The following ANKRD30BL variants were observed in gnomAD, a reference collection of about 807,000 sequenced individuals.
ANKRD30BL encodes putative ankyrin repeat domain-containing protein 30B-like.
A neutral mutation model predicts 18.4 loss-of-function variants in ANKRD30BL; 20 were observed. The ratio of observed to expected loss-of-function variants is 1.09; its 90% CI spans 0.77 to 1.58. The LOEUF is 1.58. ANKRD30BL is among the 40% of genes most tolerant of loss of function. The pLI is 0.00. For synonymous variants in ANKRD30BL, 72 were observed against 100.9 expected (o/e 0.71, Z 1.72); for missense variants, 224 against 268.6 (o/e 0.83, Z 1.16).
At chr2:132,172,784 T>G (rs1688304565) in intron 1 of ANKRD30BL, among the ~76,000 whole-genome samples, 2 of 152,108 alleles carry the variant, frequency 1.3e-5, no homozygotes, top group Admixed American at 1.3e-4. Flanking sequence ...CTCAGCTCAC[T>G]GAAACCTCCG....
chr2:132,194,454 A>G (rs937580168), intron 1 of ANKRD30BL, among the ~76,000 whole-genome samples: 6 of 152,236 alleles, frequency 3.9e-5, no homozygotes, highest in South Asian at 2.1e-4. Context: ...TCATGTTTCC[A>G]ACAGTCATAG....
chr2:132,220,464 C>A (rs1480739087), intron 1 of ANKRD30BL, among the ~76,000 whole-genome samples: 1 of 151,986 alleles, frequency 6.6e-6, no homozygotes, highest in African/African-American at 2.4e-5. Context: ...AACCTCCCTG[C>A]CTGATTCTCC....
At chr2:132,227,803 A>T (rs903687914) in intron 1 of ANKRD30BL, among the ~76,000 whole-genome samples, 1 of 152,108 alleles carries the variant, frequency 6.6e-6, no homozygotes, top group Non-Finnish European at 1.5e-5. Flanking sequence ...CTTTCTTTTG[A>T]TTCAGCAGTT....
In ANKRD30BL at chr2:132,196,655, G is replaced by A. The variant is rs553601082; in HGVS notation, n.442-39509C>T. Among the ~76,000 whole-genome samples, 328 of 151,940 alleles carry A rather than the reference G, an allele frequency of 2.2e-3. 1 individual carries two copies. Among genetic ancestry groups the A allele is most frequent in the African/African-American group, 7.4e-3 (305 of 41,442 alleles). ...TCAAAAATTAGCCAAGTGTGGTGGC[G>A]CATGCCTGTAATTCCAGCCACTCAG... On this transcript the variant is annotated intron_variant and non_coding_transcript_variant, in intron 1 of 4. Coordinates refer to the ANKRD30BL transcript ENST00000470729.
intron 1 of ANKRD30BL, among the ~76,000 whole-genome samples, chr2:132,221,830 C>A (rs112016460): frequency 1.6e-4 from 18 of 114,476 alleles, no homozygotes; most frequent in Non-Finnish European, 2.7e-4. Flanking sequence ...GGGGGGTCAG[C>A]CCCCCGCCCG....
chr2:132,187,189 T>C (rs1464399595), intron 1 of ANKRD30BL, among the ~76,000 whole-genome samples: 2 of 101,992 alleles, frequency 2.0e-5, no homozygotes, highest in East Asian at 2.4e-4. Flanking sequence ...TTTTTGTTTG[T>C]TTTTTTTTTT....
intron 1 of ANKRD30BL, among the ~76,000 whole-genome samples, chr2:132,216,441 T>A (rs374615943): frequency 6.6e-6 from 1 of 151,860 alleles, no homozygotes; most frequent in Admixed American, 6.6e-5. Context: ...TACTTTTGGT[T>A]GAGCAGTTTG....
rs79147331 is a variant in ANKRD30BL, at chr2:132,211,400, G to A, written n.441+46129C>T. ...CTGGTGGAAAAGGAAATATTTTCAC[G>A]TAAAAAGTAGACAGAAGCATTCTGA... On this transcript the variant is annotated intron_variant and non_coding_transcript_variant, in intron 1 of 4. Coordinates refer to the ANKRD30BL transcript ENST00000470729. 3.9e-3 allele frequency among the ~76,000 whole-genome samples: 580 copies of A among 150,524 alleles called. 3 individuals carry two copies. Among genetic ancestry groups the A allele is most frequent in the African/African-American group, 0.014 (563 of 41,174 alleles).
chr2:132,234,591 A>G (rs2104786987), intron 1 of ANKRD30BL, among the ~76,000 whole-genome samples: 1 of 152,320 alleles, frequency 6.6e-6, no homozygotes, highest in Non-Finnish European at 1.5e-5. Context: ...ATCCAGAAGA[A>G]ATGGATAAAT....
At chr2:132,236,843 C>G (rs376688293) in intron 1 of ANKRD30BL, among the ~76,000 whole-genome samples, 1 of 151,598 alleles carries the variant, frequency 6.6e-6, no homozygotes, top group Non-Finnish European at 1.5e-5. Flanking sequence ...TATTGTGGCA[C>G]TATTCACAAT....
rs1450126753 is a variant in ANKRD30BL at position 132,157,024 on chromosome 2, T to G, written c.456A>C (p.Ser152=). ...VHYAVNSENL[S]VVAKLLSCGA... is the part of the protein sequence containing the mutation. ...CACAGGACAGCAATTTTGCCACCACTGACAAATTCTCACTGTTAACAGCAT... is the reference window on the plus strand; with the variant it reads ...CACAGGACAGCAATTTTGCCACCACGGACAAATTCTCACTGTTAACAGCAT... The change falls in exon 3 of 6, where the codon TCA becomes TCC. Residue 152 remains serine, a synonymous_variant. Transcript: ENST00000409867. 7.3e-7 allele frequency: 1 copy of G among 1,366,034 alleles called. No individual in the cohort carries two copies. Among genetic ancestry groups the G allele is most frequent in the Non-Finnish European group, 1.0e-6 (1 of 981,244 alleles). 84.6% of individuals were successfully genotyped at this position (1,366,034 alleles called of 1,614,324 possible). A position where few individuals can be genotyped will look rare whatever the true frequency, so the allele number is the denominator to read the frequency against.
At chr2:132,198,319 TCTTTC>T (rs1558928588) in intron 1 of ANKRD30BL, among the ~76,000 whole-genome samples, 537 of 10,616 alleles carry the variant, frequency 0.051, 10 homozygotes, top group East Asian at 0.085. Context: ...TTTCTTTCTT[TCTTTC>T]TTTTTTTTTT....
intron 1 of ANKRD30BL, among the ~76,000 whole-genome samples, chr2:132,222,712 G>T (rs1312370623): frequency 1.3e-5 from 2 of 151,656 alleles, no homozygotes; most frequent in South Asian, 4.2e-4. Flanking sequence ...AGGCCGCAGG[G>T]TCCTCTGCCT....
intron 1 of ANKRD30BL, among the ~76,000 whole-genome samples, chr2:132,200,867 A>G (rs1218416579): frequency 6.6e-6 from 1 of 152,214 alleles, no homozygotes; most frequent in African/African-American, 2.4e-5. Context: ...ACAAAGCTGG[A>G]GGCATCACAC....
At chr2:132,155,917 A>AAG (rs1411535706) in intron 3 of ANKRD30BL, 1 of 151,402 alleles carries the variant, frequency 6.6e-6, no homozygotes, top group African/African-American at 2.4e-5. Flanking sequence ...AAAAAAGAAG[A>AAG]AAAAAAGAAA....
intron 1 of ANKRD30BL, among the ~76,000 whole-genome samples, chr2:132,238,934 G>C (rs137914178): frequency 6.6e-6 from 1 of 151,958 alleles, no homozygotes; most frequent in Non-Finnish European, 1.5e-5. Flanking sequence ...GTGCCTTGAG[G>C]CCTAAGGTGA....
At chr2:132,219,134 G>C (rs1310579760) in intron 1 of ANKRD30BL, among the ~76,000 whole-genome samples, 1 of 151,822 alleles carries the variant, frequency 6.6e-6, no homozygotes, top group Non-Finnish European at 1.5e-5. Flanking sequence ...TGGTGGAAAG[G>C]GGAGTATCTT....
chr2:132,183,190 G>C (rs77040679), intron 1 of ANKRD30BL, among the ~76,000 whole-genome samples: 2 of 151,004 alleles, frequency 1.3e-5, no homozygotes, highest in South Asian at 4.2e-4. Context: ...GAGTGCAGTG[G>C]CACAAATCTC....
At chr2:132,211,973 G>C (rs1274296498) in intron 1 of ANKRD30BL, among the ~76,000 whole-genome samples, 1 of 152,092 alleles carries the variant, frequency 6.6e-6, no homozygotes, top group Non-Finnish European at 1.5e-5. Flanking sequence ...TCATCTCACA[G>C]AGTTCAAACA....
Sources: gnomAD v4.1 joint callset for allele counts (sites outside exome capture counted in the v4.1 genomes callset) on GRCh38, gnomAD v4.1.1 for gene constraint, MANE v1.5 for transcripts, NCBI Gene and HGNC (gene_info 2026-07-23, HGNC 2026-07-21) for gene names.